Variants in CES5A observed in about 807,000 individuals in gnomAD.
CES5A encodes the protein carboxylesterase 5A, also known as carboxylesterase 5.
Under a neutral mutation model 62.9 loss-of-function variants are expected in CES5A, and 67 were observed. That is an observed-to-expected ratio of 1.07 (90% CI 0.88 to 1.31). CES5A has a LOEUF of 1.31. Ranked by LOEUF, CES5A falls within the 50% of genes most tolerant of loss-of-function variation. The pLI, the probability that CES5A is intolerant of heterozygous loss-of-function variation, is 0.00. For synonymous variants in CES5A, 296 were observed against 280.8 expected (o/e 1.05, Z -0.54); for missense variants, 748 against 708.5 (o/e 1.06, Z -0.63).
At chr16:55,857,535 C>A (rs1597114354) in intron 8 of CES5A, among the ~76,000 whole-genome samples, 1 of 152,152 alleles carries the variant, frequency 6.6e-6, no homozygotes, top group East Asian at 1.9e-4. Flanking sequence ...TCAGGGAATC[C>A]TCAGAGTCAT....
upstream of CES5A, among the ~76,000 whole-genome samples, chr16:55,925,665 T>G (rs919282267): frequency 2.0e-5 from 3 of 152,080 alleles, no homozygotes; most frequent in Non-Finnish European, 4.4e-5. Flanking sequence ...ATACACACAA[T>G]GAAATATCTT....
chr16:55,919,517 C>A (rs1366989728), intron 1 of CES5A, among the ~76,000 whole-genome samples: 1 of 152,208 alleles, frequency 6.6e-6, no homozygotes, highest in African/African-American at 2.4e-5. Flanking sequence ...GCTCCTACGA[C>A]TCTCAGCCCA....
Position 55,874,053 on chromosome 16 carries a change from G to C in CES5A, c.74-16C>G, listed in dbSNP as rs1419131285. 1 of 1,579,078 alleles carries C rather than the reference G, an allele frequency of 6.3e-7. No homozygotes were observed. Among genetic ancestry groups the C allele is most frequent in the African/African-American group, 1.3e-5 (1 of 74,492 alleles). Reference sequence around the variant, plus strand: ...GCAGAAGGCCCTGCGGGAACACATGGGAGGAATCAGGAGCAGGCTGGGGAC... The same window carrying C: ...GCAGAAGGCCCTGCGGGAACACATGCGAGGAATCAGGAGCAGGCTGGGGAC... On this transcript the variant is annotated splice_polypyrimidine_tract_variant and intron_variant, in intron 1 of 12. Coordinates refer to ENST00000290567, the MANE Select transcript of CES5A (RefSeq NM_001143685.2).
intron 2 of CES5A, among the ~76,000 whole-genome samples, chr16:55,935,272 G>A (rs1037056408): frequency 4.6e-5 from 7 of 152,188 alleles, no homozygotes; most frequent in African/African-American, 1.4e-4. Flanking sequence ...AGTCCAAAAG[G>A]TGGAATAAAA....
At chr16:55,874,103 C>T (rs1202010126) in intron 1 of CES5A, 66 bp from the exon 2 acceptor site, 1 of 1,418,044 alleles carries the variant, frequency 7.1e-7, no homozygotes, top group African/African-American at 1.4e-5. Context: ...CCCACCCAGT[C>T]TGGAGCTCCC....
rs1057495082 is a variant in CES5A, at chr16:55,944,073, C to T, written c.160+5712G>A. On this transcript the variant is annotated intron_variant, in intron 2 of 13. Transcript: ENST00000521992. ...CTCCATGCAGAGAAGTGACCAAGAC[C>T]TCCAGGATAAATCATCTTCCATTTC... The T allele has an allele frequency of 1.4e-5, 10 of 702,182 alleles. No individual in the cohort carries two copies. The African/African-American group carries it at 1.7e-4, about 12-fold the overall frequency. The allele number at this position is 702,182 out of a possible 1,614,324, so 43.5% of individuals were successfully genotyped here.
At chr16:55,933,790 T>C (rs2034338366) in intron 2 of CES5A, among the ~76,000 whole-genome samples, 1 of 152,236 alleles carries the variant, frequency 6.6e-6, no homozygotes, top group African/African-American at 2.4e-5. Flanking sequence ...AGAGTGATTC[T>C]GTTATAATGT....
intron 1 of CES5A, among the ~76,000 whole-genome samples, chr16:55,910,588 A>C (rs529044976): frequency 1.3e-5 from 2 of 152,212 alleles, no homozygotes; most frequent in Admixed American, 6.5e-5. Flanking sequence ...GTACCACATA[A>C]AGCCCAGGAT....
chr16:55,855,391 T>TAA (rs1732385082), intron 9 of CES5A, among the ~76,000 whole-genome samples: 1 of 152,238 alleles, frequency 6.6e-6, no homozygotes, highest in South Asian at 2.1e-4. Flanking sequence ...CAGATACTGC[T>TAA]AAGTTTGTGC....
rs566269786 is a variant in CES5A at position 55,871,842 on chromosome 16, G to T, written c.279-79C>A. 24 of 1,494,424 alleles carry T rather than the reference G, an allele frequency of 1.6e-5. No homozygotes were observed. In the East Asian group the frequency reaches 3.2e-4, roughly 20 times the overall value. The allele number at this position is 1,494,424 out of a possible 1,614,324, so 92.6% of individuals were successfully genotyped here. On this transcript the variant is annotated intron_variant, in intron 2 of 12. Transcript: ENST00000290567. ...GGGAAGGGCCAGTTCTTCTGACAGC[G>T]GGGAGGCCTGGCCGTCTCCTCTGCC...
intron 2 of CES5A, among the ~76,000 whole-genome samples, chr16:55,938,172 G>C (rs1322900846): frequency 1.3e-5 from 2 of 152,156 alleles, no homozygotes; most frequent in Non-Finnish European, 2.9e-5. Flanking sequence ...ACAGGAAGCT[G>C]CAGCACATTT....
At position 55,951,734 on chromosome 16, in the gene CES5A, C is replaced by A. The variant is rs182403328; in HGVS notation, c.43-1832G>T. On this transcript the variant is annotated intron_variant, in intron 1 of 13. Coordinates refer to the CES5A transcript ENST00000521992. The stretch of plus-strand genomic sequence containing the variant: ...TATCCATGTTGATAAAATATAACAT[C>A]AATAGAGACGATATCTCAGCCATGA... Among the ~76,000 whole-genome samples the A allele has an allele frequency of 1.7e-3, 265 of 152,168 alleles. 2 individuals are homozygous for A. The South Asian group carries it at 0.021, about 12-fold the overall frequency.
At chr16:55,852,765 C>T in intron 10 of CES5A, 116 bp downstream of exon 10, 5 of 1,165,402 alleles carry the variant, frequency 4.3e-6, no homozygotes, top group Non-Finnish European at 6.0e-6. Flanking sequence ...CCTGGAAATG[C>T]ACTTTCCATG....
intron 2 of CES5A, among the ~76,000 whole-genome samples, chr16:55,930,916 GACAAAAAAA>G (rs1265025202): frequency 6.6e-6 from 1 of 151,774 alleles, no homozygotes; most frequent in African/African-American, 2.4e-5. Flanking sequence ...TTAAGTCATA[GACAAAAAAA>G]ACAAAAAAAA....
intron 2 of CES5A, among the ~76,000 whole-genome samples, chr16:55,940,075 T>C (rs1363482237): frequency 2.0e-5 from 3 of 150,622 alleles, no homozygotes; most frequent in Non-Finnish European, 4.4e-5. Flanking sequence ...AAAACAAAAC[T>C]GAAAAAAAGA....
chr16:55,848,901 A>G (rs1181163632), intron 11 of CES5A, among the ~76,000 whole-genome samples: 2 of 152,144 alleles, frequency 1.3e-5, no homozygotes, highest in Non-Finnish European at 2.9e-5. Context: ...GTTCTTTATT[A>G]TCTGTGTTGT....
chr16:55,888,899 T>C (rs1412127077), intron 1 of CES5A, among the ~76,000 whole-genome samples: 3 of 152,202 alleles, frequency 2.0e-5, no homozygotes, highest in African/African-American at 7.2e-5. Flanking sequence ...ATGAACTGCA[T>C]GAGGGCAGGG....
chr16:55,916,310 T>C (rs1342366107), intron 1 of CES5A, among the ~76,000 whole-genome samples: 3 of 152,230 alleles, frequency 2.0e-5, no homozygotes, highest in African/African-American at 7.2e-5. Context: ...GTCTACACCC[T>C]AGCAGAATTC....
chr16:55,881,356 G>A (rs1442521477), intron 1 of CES5A, among the ~76,000 whole-genome samples: 1 of 152,208 alleles, frequency 6.6e-6, no homozygotes, highest in Non-Finnish European at 1.5e-5. Flanking sequence ...TGGCTATTAT[G>A]TCCTGATAGG....
Sources: allele counts gnomAD v4.1 joint callset (sites outside exome capture counted in the v4.1 genomes callset), GRCh38; gene constraint gnomAD v4.1.1; transcripts MANE v1.5; gene names NCBI Gene and HGNC (gene_info 2026-07-23, HGNC 2026-07-21).